ZNF138: variants seen among roughly 807,000 people sequenced by gnomAD.
ZNF138 encodes zinc finger protein 138, also known as zinc finger protein 138 (clone pHZ-32).
In ZNF138, 33 loss-of-function variants were observed where a neutral mutation model predicts 33.0. The ratio of observed to expected loss-of-function variants is 1.00; its 90% CI spans 0.76 to 1.34. The LOEUF (loss-of-function observed/expected upper bound fraction) is 1.34. Ranked by LOEUF, ZNF138 falls within the 40% of genes most tolerant of loss-of-function variation. The pLI is 0.00. For missense variants in ZNF138, 360 were observed against 370.8 expected (o/e 0.97, Z 0.24); for synonymous variants, 139 against 120.4 (o/e 1.15, Z -1.01).
Position 64,831,440 on chromosome 7 carries a change from G to T in ZNF138, c.209-11G>T, listed in dbSNP as rs1562925799. ...CAGGTGGAGTAATTTGTTATTTTTT[G>T]TTTCTTTCAGCTCTGTGTTCTCGTT... On this transcript the variant is annotated splice_polypyrimidine_tract_variant and intron_variant, in intron 3 of 3. Transcript: ENST00000307355. The T allele has an allele frequency of 6.6e-7, 1 of 1,520,958 alleles. No individual in the cohort carries two copies. Among genetic ancestry groups the T allele is most frequent in the Non-Finnish European group, 8.8e-7 (1 of 1,139,338 alleles). The allele number at this position is 1,520,958 out of a possible 1,614,324, so 94.2% of individuals were successfully genotyped here.
At chr7:64,853,396 T>C in the ZNF138 span, 1 of 1,161,898 alleles carries the variant, frequency 8.6e-7, no homozygotes, top group Non-Finnish European at 1.2e-6. Flanking sequence ...GCCCCTCCCT[T>C]CCCTCTGCGA....
chr7:64,837,383 G>A (rs924782090), downstream of ZNF138, among the ~76,000 whole-genome samples: 3 of 152,068 alleles, frequency 2.0e-5, no homozygotes, highest in Non-Finnish European at 4.4e-5. Context: ...TGAGCGGTCC[G>A]GGCTTTGGAA....
At chr7:64,794,749 C>T (rs1035157827) in intron 1 of ZNF138, among the ~76,000 whole-genome samples, 178 bp downstream of exon 1, 10 of 152,206 alleles carry the variant, frequency 6.6e-5, no homozygotes, top group African/African-American at 2.4e-4. Flanking sequence ...GCTGGGCTGA[C>T]AGCCGGAACC....
At chr7:64,814,844 T>G (rs1788476930) in intron 1 of ZNF138, 74 bp from the exon 2 acceptor site, 1 of 1,582,694 alleles carries the variant, frequency 6.3e-7, no homozygotes, top group African/African-American at 1.4e-5. Context: ...TATTTTACCT[T>G]GAGTCAAATT....
chr7:64,822,103 T>C lies in ZNF138; in HGVS notation c.208+6450T>C, dbSNP rs886743878. On this transcript the variant is annotated intron_variant, in intron 3 of 3. Coordinates refer to ENST00000307355, the MANE Select transcript of ZNF138 (RefSeq NM_001271639.2). The stretch of plus-strand genomic sequence containing the variant: ...CTGGCTAATTTTTTTGTATTTTTAG[T>C]AGAGATGGGGTTTCACCGTGTTAGC... 2.0e-5 allele frequency among the ~76,000 whole-genome samples: 3 copies of C among 150,942 alleles called. No homozygotes were observed. In the East Asian group the frequency reaches 5.8e-4, roughly 29 times the overall value.
chr7:64,810,561 A>ATTTTGCTTTT lies in ZNF138; in HGVS notation c.4-4357_4-4356insTTTTGCTTTT, dbSNP rs1257872967. Among the ~76,000 whole-genome samples, 13 of 2,764 alleles carry ATTTTGCTTTT rather than the reference A, an allele frequency of 4.7e-3. No homozygotes were observed. In the East Asian group the frequency reaches 0.27, roughly 58 times the overall value. 1.8% of individuals were successfully genotyped at this position (2,764 alleles called of 152,430 possible). On this transcript the variant is annotated intron_variant, in intron 1 of 3. Transcript: ENST00000307355. ...TAGAAAACCCTAAGAGATTTGTTTAAATTGCTTATTAGTATATGTTATAAA... is the reference window on the plus strand; with the variant it reads ...TAGAAAACCCTAAGAGATTTGTTTAATTTTGCTTTTATTGCTTATTAGTATATGTTATAAA...
rs762955894 is a variant in ZNF138, at chr7:64,832,030, C to T, written c.788C>T (p.Ser263Phe). ...CAHCGKAFKQ[S>F]SHLTRHKIIH... ...CACTGTGGCAAAGCCTTTAAACAGT[C>T]CTCACACCTTACTAGACATAAGATA... The change falls in exon 4 of 4, where the codon TCC becomes TTC. Residue 263 changes from serine (S) to phenylalanine (F), a missense_variant. Ser to Phe is a radical substitution (Grantham distance 155). Transcript: ENST00000307355. 6.2e-7 allele frequency: 1 copy of T among 1,613,684 alleles called. No homozygotes were observed. Among genetic ancestry groups the T allele is most frequent in the Non-Finnish European group, 8.5e-7 (1 of 1,179,854 alleles).
At chr7:64,852,340 A>G in the ZNF138 span, 2 of 1,141,678 alleles carry the variant, frequency 1.8e-6, no homozygotes, top group Admixed American at 2.1e-5. Flanking sequence ...TGAAGCGATG[A>G]TAAAGGAAAT....
chr7:64,798,408 C>A (rs182486968), intron 1 of ZNF138, among the ~76,000 whole-genome samples: 1 of 152,008 alleles, frequency 6.6e-6, no homozygotes, highest in Non-Finnish European at 1.5e-5. Context: ...TTTATTTGAC[C>A]GCTGAAGAAA....
intron 3 of ZNF138, among the ~76,000 whole-genome samples, chr7:64,823,798 C>T (rs1475822219): frequency 1.3e-5 from 2 of 152,030 alleles, no homozygotes; most frequent in Admixed American, 6.5e-5. Flanking sequence ...ATTAGCTGGG[C>T]GTGGTGGCAC....
At chr7:64,847,107 A>T in the ZNF138 span, among the ~76,000 whole-genome samples, 7 of 151,788 alleles carry the variant, frequency 4.6e-5, no homozygotes, top group African/African-American at 1.7e-4. Flanking sequence ...TTGGTATAAA[A>T]CCTACTTGAT....
At chr7:64,828,523 A>G (rs1375575865) in intron 3 of ZNF138, among the ~76,000 whole-genome samples, 1 of 152,124 alleles carries the variant, frequency 6.6e-6, no homozygotes, top group Non-Finnish European at 1.5e-5. Context: ...AAAATGAGTG[A>G]TATTTTAAAT....
At chr7:64,840,225 G>T in the ZNF138 span, among the ~76,000 whole-genome samples, 518 of 152,202 alleles carry the variant, frequency 3.4e-3, 7 homozygotes, top group African/African-American at 0.012. Context: ...TAAGACCACT[G>T]TGCATTCAAT....
intron 1 of ZNF138, among the ~76,000 whole-genome samples, chr7:64,807,811 A>G (rs1280182356): frequency 6.6e-6 from 1 of 152,200 alleles, no homozygotes; most frequent in Non-Finnish European, 1.5e-5. Context: ...CTCTTGTGTA[A>G]ATAGAATCTG....
the ZNF138 span, among the ~76,000 whole-genome samples, chr7:64,839,928 C>T: frequency 1.3e-5 from 2 of 151,810 alleles, no homozygotes; most frequent in African/African-American, 2.4e-5. Flanking sequence ...GCGGGAGGGC[C>T]AGGGAAGTCG....
the ZNF138 span, among the ~76,000 whole-genome samples, chr7:64,858,828 T>C: frequency 6.6e-6 from 1 of 152,238 alleles, no homozygotes; most frequent in African/African-American, 2.4e-5. Context: ...CTTTCTTCTT[T>C]TTAAGGGCTG....
chr7:64,839,208 G>T, the ZNF138 span, among the ~76,000 whole-genome samples: 12,763 of 152,252 alleles, frequency 0.084, 707 homozygotes, highest in East Asian at 0.26. Context: ...GTTGTCTAAG[G>T]TATATTGCGG....
At chr7:64,839,057 G>A in the ZNF138 span, among the ~76,000 whole-genome samples, 5 of 152,270 alleles carry the variant, frequency 3.3e-5, no homozygotes, top group Admixed American at 6.5e-5. Flanking sequence ...AACACTTGGC[G>A]GCAGCGGTCT....
At chr7:64,817,047 TG>T (rs145917606) in intron 3 of ZNF138, among the ~76,000 whole-genome samples, 1,638 of 152,336 alleles carry the variant, frequency 0.011, 23 homozygotes, top group African/African-American at 0.037. Flanking sequence ...CAGTTTGGTC[TG>T]CATATGGTGG....
Sources: allele counts gnomAD v4.1 joint callset (sites outside exome capture counted in the v4.1 genomes callset), GRCh38; gene constraint gnomAD v4.1.1; transcripts MANE v1.5; gene names NCBI Gene and HGNC (gene_info 2026-07-23, HGNC 2026-07-21).